Variants in MCF2L2 observed in about 807,000 individuals in gnomAD.
MCF2L2 encodes MCF.2 cell line derived transforming sequence-like 2, also known as probable guanine nucleotide exchange factor MCF2L2.
In MCF2L2, 102 loss-of-function variants were observed where a neutral mutation model predicts 150.2. The observed-to-expected ratio is 0.68, with a 90% CI of 0.58 to 0.80. The LOEUF is 0.80. Among genes scored for constraint, MCF2L2 ranks in the 30% least tolerant of loss-of-function variants. The pLI is 0.00. For synonymous variants in MCF2L2, 465 were observed against 491.3 expected, an observed-to-expected ratio of 0.95 and a Z score of 0.71; for missense variants, 1,256 against 1,372.8, an observed-to-expected ratio of 0.91 and a Z score of 1.34.
Position 183,193,078 on chromosome 3 carries a change from T to A in MCF2L2, c.2937A>T (p.Gly979=). ...EMSTSKGSGA[G]SGPWIKNMER... Reference sequence around the variant, plus strand: ...CCATATTTTTAATCCATGGTCCGGATCCTGCTCCACTGCCTTTGCTTTAGA... The same window carrying A: ...CCATATTTTTAATCCATGGTCCGGAACCTGCTCCACTGCCTTTGCTTTAGA... The change falls in exon 27 of 30, where the codon GGA becomes GGT. Residue 979 remains glycine, a synonymous_variant. Coordinates refer to ENST00000328913, the MANE Select transcript of MCF2L2 (RefSeq NM_015078.4). 2 of 1,613,878 alleles carry A rather than the reference T, an allele frequency of 1.2e-6. No individual in the cohort carries two copies. The highest frequency in any genetic ancestry group is 1.7e-6 in the Non-Finnish European group (2 of 1,179,794).
In MCF2L2 at chr3:183,382,166, A is replaced by C. The variant is rs113553970; in HGVS notation, c.161-2755T>G. Among the ~76,000 whole-genome samples the C allele has an allele frequency of 5.1e-3, 780 of 152,036 alleles. 4 individuals are homozygous for C. Among genetic ancestry groups the C allele is most frequent in the African/African-American group, 0.018 (754 of 41,458 alleles). On this transcript the variant is annotated intron_variant, in intron 2 of 29. Transcript: ENST00000328913. Reference sequence around the variant, plus strand: ...CTCCGCCTCCCAGGTTCAAGCAATTATTGTGCCTCAGCCTACCGAGTAGCT... The same window carrying C: ...CTCCGCCTCCCAGGTTCAAGCAATTCTTGTGCCTCAGCCTACCGAGTAGCT...
At chr3:183,326,808 C>T (rs1345577733) in intron 5 of MCF2L2, among the ~76,000 whole-genome samples, 2 of 152,132 alleles carry the variant, frequency 1.3e-5, no homozygotes, top group African/African-American at 4.8e-5. Flanking sequence ...CAAAGACCTC[C>T]CTTGTGCTGC....
intron 3 of MCF2L2, among the ~76,000 whole-genome samples, chr3:183,351,240 ATTTATTTATT>A (rs1731129221): frequency 9.3e-5 from 8 of 85,822 alleles, no homozygotes; most frequent in African/African-American, 5.2e-4. Context: ...ATATATATTT[ATTTATTTATT>A]TATCAGAACC....
At chr3:183,212,815 G>A (rs1317996531) in intron 22 of MCF2L2, among the ~76,000 whole-genome samples, 4 of 151,998 alleles carry the variant, frequency 2.6e-5, no homozygotes, top group Non-Finnish European at 5.9e-5. Flanking sequence ...TTTCCAGCTT[G>A]AGCAGGTCCC....
chr3:183,229,635 A>G (rs1330225300), intron 17 of MCF2L2, 31 bp downstream of exon 17: 2 of 1,015,078 alleles, frequency 2.0e-6, no homozygotes, highest in Admixed American at 4.1e-5. Flanking sequence ...CTTACTCTCC[A>G]TTCTTTCTGA....
At position 183,360,641 on chromosome 3, in the gene MCF2L2, A is replaced by G. The variant is rs551282673; in HGVS notation, c.275+18656T>C. 5.3e-5 allele frequency among the ~76,000 whole-genome samples: 8 copies of G among 151,974 alleles called. No individual in the cohort carries two copies. In the South Asian group the frequency reaches 1.2e-3, roughly 24 times the overall value. The stretch of plus-strand genomic sequence containing the variant: ...TCCACTTCTTCCTGTGCCTTCAACT[A>G]CTTCTGATGTTTCTTCTCACCTAGA... On this transcript the variant is annotated intron_variant, in intron 3 of 29. Coordinates refer to ENST00000328913, the MANE Select transcript of MCF2L2 (RefSeq NM_015078.4).
At chr3:183,300,682 T>C (rs1008214892) in intron 10 of MCF2L2, among the ~76,000 whole-genome samples, 7 of 152,012 alleles carry the variant, frequency 4.6e-5, no homozygotes, top group Non-Finnish European at 1.0e-4. Flanking sequence ...TGGTGAAAAT[T>C]GGATTTGGAC....
chr3:183,400,862 A>T (rs1219125619), intron 1 of MCF2L2, among the ~76,000 whole-genome samples: 1 of 152,196 alleles, frequency 6.6e-6, no homozygotes, highest in South Asian at 2.1e-4. Flanking sequence ...TTTAAAAAAA[A>T]AATAAAAACT....
chr3:183,298,468 T>C (rs1728651811), intron 11 of MCF2L2: 1 of 152,186 alleles, frequency 6.6e-6, no homozygotes, highest in Non-Finnish European at 1.5e-5. Flanking sequence ...ACAGTGAATA[T>C]GTACCACATT....
intron 14 of MCF2L2, among the ~76,000 whole-genome samples, chr3:183,284,180 T>C (rs1197489663): frequency 6.6e-6 from 1 of 152,188 alleles, no homozygotes; most frequent in African/African-American, 2.4e-5. Flanking sequence ...TATTCTCTCT[T>C]TTATCTTATT....
At chr3:183,266,010 A>C (rs772194538) in intron 15 of MCF2L2, 20 of 152,230 alleles carry the variant, frequency 1.3e-4, no homozygotes, top group Non-Finnish European at 2.6e-4. Context: ...AGCTGAAAAA[A>C]TACAGGAAAA....
chr3:183,284,792 T>C (rs768365219), intron 14 of MCF2L2, among the ~76,000 whole-genome samples: 1 of 152,124 alleles, frequency 6.6e-6, no homozygotes, highest in Non-Finnish European at 1.5e-5. Flanking sequence ...ATCTGCATAA[T>C]TCATAACCTT....
rs141009065 is a variant in MCF2L2, at chr3:183,335,502, G to A, written c.486+3298C>T. The stretch of plus-strand genomic sequence containing the variant: ...ACCTAGTCACCAAGGTAATGATATT[G>A]GAAGGTGGGGCTAGGAGGTGATTAG... On this transcript the variant is annotated intron_variant, in intron 5 of 29. Coordinates refer to ENST00000328913, the MANE Select transcript of MCF2L2 (RefSeq NM_015078.4). 1.8e-4 allele frequency among the ~76,000 whole-genome samples: 27 copies of A among 152,196 alleles called. No homozygotes were observed. The East Asian group carries it at 4.8e-3, about 27-fold the overall frequency.
intron 27 of MCF2L2, among the ~76,000 whole-genome samples, chr3:183,184,742 T>C (rs1454750734): frequency 6.6e-6 from 1 of 152,212 alleles, no homozygotes; most frequent in Admixed American, 6.5e-5. Flanking sequence ...TGGTAAATTA[T>C]AGACTTTGAA....
At chr3:183,297,411 C>T in intron 11 of MCF2L2, 1 of 453,382 alleles carries the variant, frequency 2.2e-6, no homozygotes, top group Admixed American at 3.8e-5. Flanking sequence ...AAATGAGTCT[C>T]TTCCATTAAC....
chr3:183,193,509 C>T (rs564667979), intron 26 of MCF2L2, among the ~76,000 whole-genome samples: 2 of 152,204 alleles, frequency 1.3e-5, no homozygotes, highest in African/African-American at 4.8e-5. Context: ...TGCCACCACA[C>T]CCAGCTAATT....
At chr3:183,252,843 C>T (rs1419519424) in intron 15 of MCF2L2, among the ~76,000 whole-genome samples, 3 of 152,086 alleles carry the variant, frequency 2.0e-5, no homozygotes, top group Non-Finnish European at 4.4e-5. Context: ...TGTTTTGTGG[C>T]TTTAGGGAGA....
chr3:183,320,393 G>T (rs968810549), intron 6 of MCF2L2, among the ~76,000 whole-genome samples: 2 of 151,928 alleles, frequency 1.3e-5, no homozygotes, highest in Non-Finnish European at 2.9e-5. Context: ...GCGCCGAGCC[G>T]AGTATAGCCA....
chr3:183,241,392 G>C (rs996298988), intron 15 of MCF2L2, among the ~76,000 whole-genome samples: 1 of 152,156 alleles, frequency 6.6e-6, no homozygotes, highest in African/African-American at 2.4e-5. Flanking sequence ...ACCTTGAATT[G>C]TAATAATCCC....
Sources: gnomAD v4.1 joint callset for allele counts (sites outside exome capture counted in the v4.1 genomes callset) on GRCh38, gnomAD v4.1.1 for gene constraint, MANE v1.5 for transcripts, NCBI Gene and HGNC (gene_info 2026-07-23, HGNC 2026-07-21) for gene names.